Variants in AASS observed in about 807,000 individuals in gnomAD.
The protein encoded by AASS is aminoadipate-semialdehyde synthase, also known as alpha-aminoadipic semialdehyde synthase, mitochondrial.
In AASS, 86 loss-of-function variants were observed where a neutral mutation model predicts 105.4. That is an observed-to-expected ratio of 0.82 (90% CI 0.69 to 0.98). The LOEUF is 0.98. Among genes scored for constraint, AASS ranks in the 50% least tolerant of loss-of-function variants. The pLI is 0.00. For missense variants in AASS, 1,048 were observed against 1,143.2 expected, an observed-to-expected ratio of 0.92 and a Z score of 1.20; for synonymous variants, 381 against 394.8, an observed-to-expected ratio of 0.96 and a Z score of 0.41.
chr7:122,138,414 A>G (rs1796248749), intron 1 of AASS, among the ~76,000 whole-genome samples: 1 of 152,200 alleles, frequency 6.6e-6, no homozygotes, highest in South Asian at 2.1e-4. Flanking sequence ...GACTAGCAAC[A>G]ATAATAAAAT....
Position 122,074,745 on chromosome 7 carries a change from T to C in AASS, c.*1744A>G, listed in dbSNP as rs1047461412. On this transcript the variant is annotated 3_prime_UTR_variant, in exon 24 of 24. Transcript: ENST00000417368. ...AATGAAAAAGACTATTTTGCCCCCATTGAATTGTCTTAGCACTATTTTCAA... is the reference window on the plus strand; with the variant it reads ...AATGAAAAAGACTATTTTGCCCCCACTGAATTGTCTTAGCACTATTTTCAA... Among the ~76,000 whole-genome samples the C allele has an allele frequency of 6.6e-6, 1 of 152,224 alleles. No individual in the cohort carries two copies. The highest frequency in any genetic ancestry group is 1.5e-5 in the Non-Finnish European group (1 of 68,032).
intron 6 of AASS, among the ~76,000 whole-genome samples, chr7:122,117,774 G>A (rs1795252586): frequency 6.6e-6 from 1 of 151,904 alleles, no homozygotes. Flanking sequence ...TCCTGCTTCA[G>A]CCTCCTTAGT....
intron 19 of AASS, 48 bp downstream of exon 19, chr7:122,085,964 C>T: frequency 6.2e-7 from 1 of 1,607,302 alleles, no homozygotes. Context: ...GTACACATCA[C>T]TTACATCACA....
chr7:122,113,142 CA>C lies in AASS; in HGVS notation c.1253del (p.Met418SerfsTer9). The stretch of plus-strand genomic sequence containing the variant: ...CCATTTCTTCAACATAAGGGTAAAG[CA>C]TGTCTCCAAAGCATTCTGTAGCTTC... ...PIEATECFGD[M>X]LYPYVEEMIL... On this transcript the variant is annotated frameshift_variant, in exon 11 of 24. Coordinates refer to ENST00000417368, the MANE Select transcript of AASS (RefSeq NM_005763.4). LOFTEE classifies it high-confidence loss of function. The C allele has an allele frequency of 2.5e-6, 4 of 1,613,938 alleles. No homozygotes were observed. Among genetic ancestry groups the C allele is most frequent in the Non-Finnish European group, 3.4e-6 (4 of 1,179,878 alleles).
chr7:122,088,598 GTT>G (rs1187042144), intron 18 of AASS, among the ~76,000 whole-genome samples: 1 of 152,178 alleles, frequency 6.6e-6, no homozygotes, highest in Non-Finnish European at 1.5e-5. Flanking sequence ...TGCACTGAAA[GTT>G]GCATAAAGAA....
At chr7:122,080,649 G>C (rs541063793) in intron 20 of AASS, among the ~76,000 whole-genome samples, 1 of 152,304 alleles carries the variant, frequency 6.6e-6, no homozygotes, top group African/African-American at 2.4e-5. Context: ...ATGAATGCTT[G>C]AGGTGGTAGA....
chr7:122,129,476 C>A lies in AASS; in HGVS notation c.272G>T (p.Gly91Val). ...TTTTTCCTCTGGAGGTCTTTTAACT[C>A]CTAAAATTAGACAAGCTTCAGAAAT... The part of the protein sequence containing the change: ...EDISEACLIL[G>V]VKRPPEEKLM... Residue 91 changes from glycine (G) to valine (V), a missense_variant, in exon 3 of 24, where the codon GGA (glycine) becomes GTA (valine). Coordinates refer to ENST00000417368, the MANE Select transcript of AASS (RefSeq NM_005763.4). The A allele has an allele frequency of 1.2e-6, 2 of 1,613,580 alleles. No individual in the cohort carries two copies. The highest frequency in any genetic ancestry group is 1.7e-6 in the Non-Finnish European group (2 of 1,179,732).
intron 6 of AASS, 79 bp from the exon 7 acceptor site, chr7:122,117,036 T>C: frequency 7.6e-7 from 1 of 1,307,378 alleles, no homozygotes; most frequent in Non-Finnish European, 1.1e-6. Context: ...ATCTGATCAT[T>C]TTCCCAACAA....
chr7:122,128,461 C>T (rs1182045680), intron 3 of AASS, among the ~76,000 whole-genome samples: 1 of 152,164 alleles, frequency 6.6e-6, no homozygotes, highest in Non-Finnish European at 1.5e-5. Flanking sequence ...GACCATCCTA[C>T]TTAAAATAGC....
chr7:122,124,599 T>C (rs1795575886), intron 4 of AASS, among the ~76,000 whole-genome samples: 1 of 152,128 alleles, frequency 6.6e-6, no homozygotes, highest in Non-Finnish European at 1.5e-5. Context: ...ACCTTTCTTA[T>C]AGCAATTAGC....
At chr7:122,132,269 C>T (rs924417434) in intron 2 of AASS, among the ~76,000 whole-genome samples, 22 of 152,202 alleles carry the variant, frequency 1.4e-4, no homozygotes, top group African/African-American at 5.1e-4. Context: ...TGTAATAGAA[C>T]AGTTCACAAC....
chr7:122,111,627 G>T (rs1427402173), intron 11 of AASS, among the ~76,000 whole-genome samples: 1 of 152,106 alleles, frequency 6.6e-6, no homozygotes, highest in African/African-American at 2.4e-5. Flanking sequence ...TTCGTGGCTG[G>T]GCGCGGTGGC....
At chr7:122,124,797 CAT>C (rs1795583746) in intron 4 of AASS, among the ~76,000 whole-genome samples, 1 of 152,154 alleles carries the variant, frequency 6.6e-6, no homozygotes, top group African/African-American at 2.4e-5. Flanking sequence ...CCCTAGGAAT[CAT>C]AGTCATCAGA....
rs150187646 is a variant in AASS at position 122,105,271 on chromosome 7, C to A, written c.1279-3591G>T. 6.1e-3 allele frequency among the ~76,000 whole-genome samples: 930 copies of A among 151,942 alleles called. 10 individuals are homozygous for A. Among genetic ancestry groups the A allele is most frequent in the African/African-American group, 0.021 (874 of 41,482 alleles). ...TGAAGGTAAAAAATAGATACCAAAA[C>A]AATAATAGTAGGAGACTTCAATACC... On this transcript the variant is annotated intron_variant, in intron 11 of 23. Coordinates refer to ENST00000417368, the MANE Select transcript of AASS (RefSeq NM_005763.4).
At position 122,133,572 on chromosome 7, in the gene AASS, T is replaced by C. The variant is rs112968176; in HGVS notation, c.155A>G (p.Asn52Ser). ...CTGTATCAAGACCTTGTATCCCAGA[T>C]TGGTGATGCCTTTGATGTGCTTGGG... The part of the protein sequence containing the change: ...LAPKHIKGIT[N>S]LGYKVLIQPS... The change falls in exon 2 of 24, where the codon AAT (asparagine) becomes AGT (serine). Residue 52 changes from asparagine (N) to serine (S), a missense_variant. By Grantham distance (46) the Asn-to-Ser change is conservative (BLOSUM62 1). Coordinates refer to ENST00000417368, the MANE Select transcript of AASS (RefSeq NM_005763.4). The C allele has an allele frequency of 3.1e-6, 5 of 1,614,062 alleles. No individual in the cohort carries two copies. Among genetic ancestry groups the C allele is most frequent in the African/African-American group, 2.7e-5 (2 of 74,942 alleles).
At chr7:122,114,992 T>G (rs1276894077) in intron 9 of AASS, 82 bp downstream of exon 9, 1 of 1,585,560 alleles carries the variant, frequency 6.3e-7, no homozygotes, top group Non-Finnish European at 8.7e-7. Context: ...AGAAATCAAG[T>G]CCTCTGATAT....
At chr7:122,118,484 T>C (rs1389514075) in intron 5 of AASS, 31 bp from the exon 6 acceptor site, 1 of 1,614,160 alleles carries the variant, frequency 6.2e-7, no homozygotes, top group Admixed American at 1.7e-5. Context: ...CTCAAGTTAG[T>C]CCACCAGCTC....
At chr7:122,115,050 T>A in intron 9 of AASS, 24 bp downstream of exon 9, 1 of 1,614,086 alleles carries the variant, frequency 6.2e-7, no homozygotes, top group Non-Finnish European at 8.5e-7. Flanking sequence ...AAAACTACTA[T>A]CGTTGCTGAA....
chr7:122,125,695 C>CTTATACTTAAACACTTTTAAATA (rs1795625750), intron 4 of AASS, among the ~76,000 whole-genome samples: 1 of 152,210 alleles, frequency 6.6e-6, no homozygotes, highest in Non-Finnish European at 1.5e-5. Context: ...GGAAGAGGAA[C>CTTATACTTAAACACTTTTAAATA]AGGCTATGAC....
Sources: allele counts gnomAD v4.1 joint callset (sites outside exome capture counted in the v4.1 genomes callset), GRCh38; gene constraint gnomAD v4.1.1; transcripts MANE v1.5; gene names NCBI Gene and HGNC (gene_info 2026-07-23, HGNC 2026-07-21).